The following KL variants were observed in gnomAD, a reference collection of about 807,000 sequenced individuals.
KL encodes klotho.
A neutral mutation model predicts 84.2 loss-of-function variants in KL; 62 were observed. That is an observed-to-expected ratio of 0.74 (90% confidence interval 0.60 to 0.91). KL has a LOEUF of 0.91. Among genes scored for constraint, KL ranks in the 40% least tolerant of loss-of-function variants. The pLI is 0.00. For missense variants in KL, 1,261 were observed against 1,305.7 expected (o/e 0.97, Z 0.53); for synonymous variants, 528 against 528.0 (o/e 1.00, Z 0.00).
intron 1 of KL, among the ~76,000 whole-genome samples, chr13:33,026,598 T>C (rs947998875): frequency 6.6e-6 from 1 of 152,186 alleles, no homozygotes; most frequent in South Asian, 2.1e-4. Flanking sequence ...CTATGAACCA[T>C]CTTTATAACT....
intron 1 of KL, among the ~76,000 whole-genome samples, chr13:33,028,527 T>C (rs1461577606): frequency 1.3e-5 from 2 of 152,142 alleles, no homozygotes; most frequent in African/African-American, 4.8e-5. Context: ...TGATGAACTG[T>C]AGACCCATGA....
At chr13:33,055,461 T>G in intron 3 of KL, 146 bp downstream of exon 3, 2 of 913,126 alleles carry the variant, frequency 2.2e-6, no homozygotes, top group Non-Finnish European at 3.5e-6. Context: ...GGGCACAATT[T>G]GGAATGCTGC....
intron 1 of KL, among the ~76,000 whole-genome samples, chr13:33,047,828 G>T: frequency 1.0e-5 from 1 of 95,592 alleles, no homozygotes. Context: ...TATTTTATTG[G>T]CTTTTTAGAG....
chr13:33,048,054 T>A (rs1252313417), intron 1 of KL, among the ~76,000 whole-genome samples: 1 of 152,218 alleles, frequency 6.6e-6, no homozygotes. Flanking sequence ...AAAATATTTA[T>A]AATAGCTATT....
intron 4 of KL, 21 bp from the exon 5 acceptor site, chr13:33,063,828 C>A: frequency 6.2e-7 from 1 of 1,605,038 alleles, no homozygotes; most frequent in Non-Finnish European, 8.5e-7. Context: ...TAACTACTCT[C>A]CTATCCTTTT....
At chr13:33,046,959 T>G (rs555822022) in intron 1 of KL, among the ~76,000 whole-genome samples, 1 of 152,186 alleles carries the variant, frequency 6.6e-6, no homozygotes, top group South Asian at 2.1e-4. Flanking sequence ...ATTCTAGTTT[T>G]CCTTTTGTTA....
At position 33,016,756 on chromosome 13, in the gene KL, A is replaced by C. The variant is rs1870354005; in HGVS notation, c.316A>C (p.Asn106His). Reference protein sequence around the residue: ...HPLAPPGDSRNASLPLGAPSP... With the variant: ...HPLAPPGDSRHASLPLGAPSP... The stretch of plus-strand genomic sequence containing the variant: ...CCTGGCACCCCCGGGAGACTCCCGG[A>C]ACGCCAGTCTGCCGTTGGGCGCCCC... Residue 106 changes from asparagine to histidine, a missense_variant, in exon 1 of 5, where the codon AAC becomes CAC. Physicochemically the swap from Asn to His is moderately conservative, Grantham distance 68. Coordinates refer to ENST00000380099, the MANE Select transcript of KL (RefSeq NM_004795.4). 2 of 1,611,616 alleles carry C rather than the reference A, an allele frequency of 1.2e-6. No homozygotes were observed. Among genetic ancestry groups the C allele is most frequent in the African/African-American group, 1.3e-5 (1 of 74,850 alleles).
At chr13:33,059,775 T>C (rs1351793552) in intron 3 of KL, among the ~76,000 whole-genome samples, 2 of 151,852 alleles carry the variant, frequency 1.3e-5, no homozygotes, top group Non-Finnish European at 2.9e-5. Context: ...CTGGCCTCTC[T>C]CTCGGACTTT....
chr13:33,056,335 T>C (rs1871955370), intron 3 of KL, among the ~76,000 whole-genome samples: 1 of 152,202 alleles, frequency 6.6e-6, no homozygotes, highest in Admixed American at 6.5e-5. Flanking sequence ...AGGAAACACT[T>C]GGAAGAATGT....
At chr13:33,031,222 A>G (rs1373304002) in intron 1 of KL, among the ~76,000 whole-genome samples, 1 of 152,218 alleles carries the variant, frequency 6.6e-6, no homozygotes, top group Non-Finnish European at 1.5e-5. Flanking sequence ...TGTAGTAAAT[A>G]CATAGGAAGA....
In KL at chr13:33,055,054, G is replaced by A. The variant is rs773691984; in HGVS notation, c.1338G>A (p.Lys446=). The change falls in exon 3 of 5, where the codon AAG becomes AAA. Residue 446 remains lysine, a synonymous_variant. Coordinates refer to ENST00000380099, the MANE Select transcript of KL (RefSeq NM_004795.4). ...CCCCTCTTCCCTTTGCAGCCATCAA[G>A]CTGGATGGGGTGGATGTCATCGGGT... ...KFIMETLKAI[K]LDGVDVIGYT... is the part of the protein sequence containing the mutation. 1 of 1,614,052 alleles carries A rather than the reference G, an allele frequency of 6.2e-7. No individual in the cohort carries two copies. The highest frequency in any genetic ancestry group is 8.5e-7 in the Non-Finnish European group (1 of 1,180,042).
Position 33,064,115 on chromosome 13 carries a change from T to C in KL, c.2968T>C (p.Phe990Leu). Residue 990 changes from phenylalanine to leucine, a missense_variant, in exon 5 of 5, where the codon TTT becomes CTT. Coordinates refer to ENST00000380099, the MANE Select transcript of KL (RefSeq NM_004795.4). ...KSLLAFIAFL[F>L]FASIISLSLI... ...TTTACTGGCTTTCATAGCTTTTCTA[T>C]TTTTTGCTTCTATTATTTCTCTCTC... The C allele has an allele frequency of 1.2e-6, 2 of 1,613,800 alleles. No individual in the cohort carries two copies. Among genetic ancestry groups the C allele is most frequent in the Non-Finnish European group, 1.7e-6 (2 of 1,179,876 alleles).
At chr13:33,035,086 G>A (rs1308508605) in intron 1 of KL, among the ~76,000 whole-genome samples, 2 of 152,230 alleles carry the variant, frequency 1.3e-5, no homozygotes, top group Non-Finnish European at 2.9e-5. Context: ...AAAGGCAAAT[G>A]CGAAAGAAGG....
chr13:33,033,944 A>T lies in KL; in HGVS notation c.819+16685A>T, dbSNP rs557299563. ...CTCTAGTATAAAAGCATTTTTTTTTAAAAAAGATGAACACACACCCTCAGA... is the reference window on the plus strand; with the variant it reads ...CTCTAGTATAAAAGCATTTTTTTTTTAAAAAGATGAACACACACCCTCAGA... On this transcript the variant is annotated intron_variant, in intron 1 of 4. Transcript: ENST00000380099. Among the ~76,000 whole-genome samples, 592 of 151,946 alleles carry T rather than the reference A, an allele frequency of 3.9e-3. 6 individuals carry two copies. The highest frequency in any genetic ancestry group is 5.0e-3 in the Non-Finnish European group (337 of 67,918).
intron 4 of KL, among the ~76,000 whole-genome samples, chr13:33,063,608 T>TAA (rs1312485380): frequency 6.9e-6 from 1 of 144,838 alleles, no homozygotes; most frequent in Non-Finnish European, 1.5e-5. Flanking sequence ...CCATCTCTAC[T>TAA]AAAAAAAAAA....
chr13:33,017,119 T>A lies in KL; in HGVS notation c.679T>A (p.Phe227Ile). Reference sequence around the variant, plus strand: ...TTACGCGGAGCTCTGCTTCCGCCACTTCGGCGGTCAGGTCAAGTACTGGAT... The same window carrying A: ...TTACGCGGAGCTCTGCTTCCGCCACATCGGCGGTCAGGTCAAGTACTGGAT... ...RDYAELCFRH[F>I]GGQVKYWITI... The change falls in exon 1 of 5, where the codon TTC (phenylalanine) becomes ATC (isoleucine). Residue 227 changes from phenylalanine to isoleucine, a missense_variant. By Grantham distance (21) the Phe-to-Ile change is conservative. Transcript: ENST00000380099. 1 of 1,604,532 alleles carries A rather than the reference T, an allele frequency of 6.2e-7. No homozygotes were observed. Among genetic ancestry groups the A allele is most frequent in the Non-Finnish European group, 8.5e-7 (1 of 1,179,782 alleles).
At chr13:33,058,984 A>G (rs1469462031) in intron 3 of KL, among the ~76,000 whole-genome samples, 1 of 152,192 alleles carries the variant, frequency 6.6e-6, no homozygotes, top group African/African-American at 2.4e-5. Context: ...AGAAAAGGCA[A>G]TTTCCCTTTG....
In KL at chr13:33,060,864, C is replaced by A. The variant is rs754330394; in HGVS notation, c.1785C>A (p.Phe595Leu). 2 of 1,614,106 alleles carry A rather than the reference C, an allele frequency of 1.2e-6. No homozygotes were observed. Among genetic ancestry groups the A allele is most frequent in the African/African-American group, 1.3e-5 (1 of 74,954 alleles). Residue 595 changes from phenylalanine (F) to leucine (L), a missense_variant, in exon 4 of 5, where the codon TTC (phenylalanine) becomes TTA (leucine). Physicochemically the swap from Phe to Leu is conservative, Grantham distance 22 (BLOSUM62 0). Coordinates refer to ENST00000380099, the MANE Select transcript of KL (RefSeq NM_004795.4). Reference sequence around the variant, plus strand: ...AAATGCACGTTACACATTTTCGCTTCTCCCTGGACTGGGCCCTGATTCTCC... The same window carrying A: ...AAATGCACGTTACACATTTTCGCTTATCCCTGGACTGGGCCCTGATTCTCC... ...LQEMHVTHFR[F>L]SLDWALILPL...
intron 1 of KL, among the ~76,000 whole-genome samples, chr13:33,025,573 C>T (rs1870743137): frequency 6.6e-6 from 1 of 152,124 alleles, no homozygotes; most frequent in Non-Finnish European, 1.5e-5. Context: ...TTTTGAATGG[C>T]TGAAGCGTCA....
Sources: allele counts gnomAD v4.1 joint callset (sites outside exome capture counted in the v4.1 genomes callset), GRCh38; gene constraint gnomAD v4.1.1; transcripts MANE v1.5; gene names NCBI Gene and HGNC (gene_info 2026-07-23, HGNC 2026-07-21).